Variants in DLC1 observed in about 807,000 individuals in gnomAD.
The protein encoded by DLC1 is DLC1 Rho GTPase activating protein, also known as rho GTPase-activating protein 7.
DLC1 carries 54 observed loss-of-function variants against 140.3 expected under a neutral mutation model. That is an observed-to-expected ratio of 0.38 (90% CI 0.31 to 0.48). The LOEUF (loss-of-function observed/expected upper bound fraction) is 0.48, where lower values mean the gene tolerates loss of function less well. Ranked by LOEUF, DLC1 falls within the 20% of genes least tolerant of loss-of-function variation. The pLI, the probability that DLC1 is intolerant of heterozygous loss-of-function variation, is 0.96. For synonymous variants in DLC1, 986 were observed against 728.1 expected (o/e 1.35, Z -5.70); for missense variants, 2,536 against 1,907.0 (o/e 1.33, Z -6.14).
In DLC1 at chr8:13,356,118, T is replaced by G. The variant is rs549891996; in HGVS notation, c.1314+37435A>C. On this transcript the variant is annotated intron_variant, in intron 4 of 17. Transcript: ENST00000276297. The stretch of plus-strand genomic sequence containing the variant: ...AAAAAAAAAAAAAAAAAAAAAATCT[T>G]ATTTTTTATTTTTAGTTAAGTACTT... Among the ~76,000 whole-genome samples, 173 of 146,850 alleles carry G rather than the reference T, an allele frequency of 1.2e-3. 1 individual carries two copies. Among genetic ancestry groups the G allele is most frequent in the Admixed American group, 2.0e-3 (29 of 14,506 alleles).
At chr8:13,319,538 TG>T (rs1481798487) in intron 4 of DLC1, among the ~76,000 whole-genome samples, 1 of 151,574 alleles carries the variant, frequency 6.6e-6, no homozygotes, top group Non-Finnish European at 1.5e-5. Context: ...TTACAAAATC[TG>T]GTTGTTTAAA....
rs571341384 is a variant in DLC1, at chr8:13,151,889, GTAAGGCTGCA to G, written c.1349-36242_1349-36233del. Among the ~76,000 whole-genome samples the G allele has an allele frequency of 7.1e-3, 1,087 of 152,156 alleles. 7 individuals carry two copies. Among genetic ancestry groups the G allele is most frequent in the Non-Finnish European group, 0.013 (859 of 68,006 alleles). On this transcript the variant is annotated intron_variant, in intron 5 of 17. Coordinates refer to ENST00000276297, the MANE Select transcript of DLC1 (RefSeq NM_182643.3). Reference sequence around the variant, plus strand: ...TTATTTTTTTTAAAAAAAGAAAGTGGTAAGGCTGCATAATGTATGTTATGAATAAATGCTG... The same window carrying G: ...TTATTTTTTTTAAAAAAAGAAAGTGGTAATGTATGTTATGAATAAATGCTG...
rs1831986949 is a variant in DLC1 at position 13,297,098 on chromosome 8, A to T, written c.1348+8171T>A. ...TTTGGCATTGAAGAATAGATTACTT[A>T]TATTTTTCATGAATTCCTTGATACC... On this transcript the variant is annotated intron_variant, in intron 5 of 17. Transcript: ENST00000276297. Among the ~76,000 whole-genome samples the T allele has an allele frequency of 2.0e-5, 3 of 151,404 alleles. No homozygotes were observed. The South Asian group carries it at 6.3e-4, about 32-fold the overall frequency.
chr8:13,222,340 AT>A (rs1489732254), intron 5 of DLC1, among the ~76,000 whole-genome samples: 1 of 152,132 alleles, frequency 6.6e-6, no homozygotes, highest in East Asian at 1.9e-4. Flanking sequence ...ATTATTCTGT[AT>A]TGGATTTTGA....
intron 2 of DLC1, among the ~76,000 whole-genome samples, chr8:13,407,335 C>G (rs1837613737): frequency 6.6e-6 from 1 of 152,192 alleles, no homozygotes; most frequent in Non-Finnish European, 1.5e-5. Context: ...AGTCTCCTCT[C>G]TGCTTCTTTC....
rs114239626 is a variant in DLC1 at position 13,461,828 on chromosome 8, T to C, written c.1023+37221A>G. 3.9e-3 allele frequency among the ~76,000 whole-genome samples: 597 copies of C among 152,270 alleles called. 6 individuals are homozygous for C. The highest frequency in any genetic ancestry group is 0.014 in the African/African-American group (579 of 41,558). ...GATGCCGATGCTCTTCGTTACCCCG[T>C]ACTATCTTCCTCATTGATAATTAAG... On this transcript the variant is annotated intron_variant, in intron 2 of 17. Coordinates refer to ENST00000276297, the MANE Select transcript of DLC1 (RefSeq NM_182643.3).
At chr8:13,202,891 C>A (rs1388927416) in intron 5 of DLC1, among the ~76,000 whole-genome samples, 2 of 152,220 alleles carry the variant, frequency 1.3e-5, no homozygotes, top group South Asian at 4.1e-4. Context: ...CAAGGCTGGT[C>A]TTGAACTCCT....
At chr8:13,245,853 A>AC in intron 5 of DLC1, among the ~76,000 whole-genome samples, 1 of 151,944 alleles carries the variant, frequency 6.6e-6, no homozygotes, top group Admixed American at 6.6e-5. Flanking sequence ...GGTGCCCACC[A>AC]CCACTCCCGG....
chr8:13,201,144 A>G (rs986275145), intron 5 of DLC1, among the ~76,000 whole-genome samples: 13 of 152,162 alleles, frequency 8.5e-5, no homozygotes, highest in Non-Finnish European at 1.6e-4. Context: ...CAAGGAAAAA[A>G]AAAAAGCCAA....
At chr8:13,103,862 A>T (rs2128940715) in intron 7 of DLC1, among the ~76,000 whole-genome samples, 1 of 150,882 alleles carries the variant, frequency 6.6e-6, no homozygotes, top group South Asian at 2.1e-4. Flanking sequence ...AAAAAAAAGA[A>T]AGAAAGAAAA....
chr8:13,177,073 T>C (rs1490754668), intron 5 of DLC1, among the ~76,000 whole-genome samples: 1 of 152,208 alleles, frequency 6.6e-6, no homozygotes, highest in Non-Finnish European at 1.5e-5. Flanking sequence ...TATAACCAAG[T>C]GTTTACATTT....
chr8:13,244,985 CT>C (rs1488008427), intron 5 of DLC1, among the ~76,000 whole-genome samples: 7 of 152,196 alleles, frequency 4.6e-5, no homozygotes, highest in Non-Finnish European at 1.5e-5. Flanking sequence ...ACATAACTTC[CT>C]TCAAGAGTTG....
chr8:13,515,461 C>G (rs1426561203), upstream of DLC1: 2 of 152,196 alleles, frequency 1.3e-5, no homozygotes, highest in African/African-American at 2.4e-5. Flanking sequence ...CGCATTACCT[C>G]TAGTCAGAAT....
At chr8:13,324,289 C>T (rs1360832744) in intron 4 of DLC1, among the ~76,000 whole-genome samples, 1 of 152,136 alleles carries the variant, frequency 6.6e-6, no homozygotes, top group African/African-American at 2.4e-5. Flanking sequence ...TTAAAATCGG[C>T]CAGGCGTGGT....
At chr8:13,227,500 A>G (rs926582464) in intron 5 of DLC1, among the ~76,000 whole-genome samples, 4 of 152,302 alleles carry the variant, frequency 2.6e-5, no homozygotes, top group African/African-American at 9.6e-5. Flanking sequence ...GGCCGAGGGT[A>G]CCTGTGCTTC....
At chr8:13,255,563 G>C (rs982023842) in intron 5 of DLC1, among the ~76,000 whole-genome samples, 2 of 152,146 alleles carry the variant, frequency 1.3e-5, no homozygotes, top group African/African-American at 4.8e-5. Flanking sequence ...ACAGATGTGA[G>C]GGTTGAAAAC....
At chr8:13,575,439 G>A (rs1804805510) in intron 1 of DLC1, among the ~76,000 whole-genome samples, 1 of 152,022 alleles carries the variant, frequency 6.6e-6, no homozygotes. Flanking sequence ...ATTAGGGGGT[G>A]GGGCCGAGGG....
At chr8:13,173,756 C>A (rs1431207) in intron 5 of DLC1, among the ~76,000 whole-genome samples, 1 of 152,054 alleles carries the variant, frequency 6.6e-6, no homozygotes, top group Non-Finnish European at 1.5e-5. Context: ...CTACAGATTT[C>A]GAATGGTTTG....
At chr8:13,316,035 T>G (rs1832848481) in intron 4 of DLC1, among the ~76,000 whole-genome samples, 1 of 152,158 alleles carries the variant, frequency 6.6e-6, no homozygotes, top group Admixed American at 6.5e-5. Flanking sequence ...CCTGACCCCT[T>G]TCGGATGTAA....
Sources: allele counts gnomAD v4.1 joint callset (sites outside exome capture counted in the v4.1 genomes callset), GRCh38; gene constraint gnomAD v4.1.1; transcripts MANE v1.5; gene names NCBI Gene and HGNC (gene_info 2026-07-23, HGNC 2026-07-21).